The following ILDR1 variants were observed in gnomAD, a reference collection of about 807,000 sequenced individuals.
The protein encoded by ILDR1 is immunoglobulin like domain containing receptor 1, also known as immunoglobulin-like domain-containing receptor 1.
In ILDR1, 56 loss-of-function variants were observed where a neutral mutation model predicts 62.4. The observed-to-expected ratio is 0.90, with a 90% confidence interval of 0.72 to 1.12. The LOEUF (loss-of-function observed/expected upper bound fraction) is 1.12, where lower values mean the gene tolerates loss of function less well. Ranked by LOEUF, ILDR1 falls within the 50% of genes most tolerant of loss-of-function variation. The probability of loss-of-function intolerance (pLI) is 0.00; values close to 1 mark genes in which losing one functional copy is unlikely to be tolerated. For missense variants in ILDR1, 736 were observed against 710.6 expected (o/e 1.04, Z -0.41); for synonymous variants, 284 against 277.8 (o/e 1.02, Z -0.22).
At chr3:122,056,654 A>G in the ILDR1 span, among the ~76,000 whole-genome samples, 1 of 152,250 alleles carries the variant, frequency 6.6e-6, no homozygotes, top group Admixed American at 6.5e-5. Flanking sequence ...ATTTATAATT[A>G]CTGTTCTTTG....
Position 122,007,125 on chromosome 3 carries a change from T to G in ILDR1, c.95A>C (p.Glu32Ala). 6.2e-7 allele frequency: 1 copy of G among 1,614,176 alleles called. No homozygotes were observed. Among genetic ancestry groups the G allele is most frequent in the East Asian group, 2.2e-5 (1 of 44,886 alleles). ...LSLLVTVQHT[E>A]RYVTLFASII... ...AGAGGCAAACAGGGTGACATAGCGT[T>G]CTGTGTGCTGGACCGTCACAAGCAA... The change falls in exon 2 of 8, where the codon GAA becomes GCA. Residue 32 changes from glutamate (E) to alanine (A), a missense_variant. Physicochemically the swap from Glu to Ala is moderately radical, Grantham distance 107. Transcript: ENST00000344209.
chr3:121,995,769 T>C lies in ILDR1; in HGVS notation c.647-1456A>G, dbSNP rs139623729. ...ACACATACTGGAATGCCCAGCCTTA[T>C]ACATGTAATTTACTTTACATAAGCT... On this transcript the variant is annotated intron_variant, in intron 5 of 7. Transcript: ENST00000344209. Among the ~76,000 whole-genome samples, 200 of 152,316 alleles carry C rather than the reference T, an allele frequency of 1.3e-3. 1 individual carries two copies. The highest frequency in any genetic ancestry group is 4.3e-3 in the African/African-American group (180 of 41,562).
At chr3:122,041,437 T>A in the ILDR1 span, among the ~76,000 whole-genome samples, 1 of 152,172 alleles carries the variant, frequency 6.6e-6, no homozygotes, top group Non-Finnish European at 1.5e-5. Flanking sequence ...GCTGACAACT[T>A]GTTATTGGAC....
chr3:122,054,796 G>T, the ILDR1 span, among the ~76,000 whole-genome samples: 2 of 151,982 alleles, frequency 1.3e-5, no homozygotes, highest in Non-Finnish European at 2.9e-5. Flanking sequence ...ATTTTATAAT[G>T]CTGCCTTTTT....
the ILDR1 span, among the ~76,000 whole-genome samples, chr3:122,040,067 T>C: frequency 1.3e-5 from 2 of 152,006 alleles, no homozygotes; most frequent in African/African-American, 2.4e-5. Flanking sequence ...ATTAAGAGTA[T>C]GATACATAAT....
chr3:122,021,951 G>T, intron 1 of ILDR1, 69 bp downstream of exon 1: 3 of 1,481,784 alleles, frequency 2.0e-6, no homozygotes, highest in Middle Eastern at 2.0e-4. Flanking sequence ...GGCCAGCTCT[G>T]CAAGGCCACG....
chr3:122,000,882 G>A (rs777195685), intron 5 of ILDR1, among the ~76,000 whole-genome samples: 2 of 152,216 alleles, frequency 1.3e-5, no homozygotes, highest in Non-Finnish European at 2.9e-5. Context: ...GGTGTCAGAA[G>A]TATCGAGTGG....
chr3:122,001,123 C>T (rs1356496108), intron 5 of ILDR1, among the ~76,000 whole-genome samples, 185 bp downstream of exon 5: 1 of 152,180 alleles, frequency 6.6e-6, no homozygotes, highest in Non-Finnish European at 1.5e-5. Context: ...AATGTCCTTC[C>T]ATGTGGCTAC....
the ILDR1 span, among the ~76,000 whole-genome samples, chr3:122,056,991 C>T: frequency 6.6e-6 from 1 of 152,134 alleles, no homozygotes; most frequent in Non-Finnish European, 1.5e-5. Flanking sequence ...AGCCATTAAA[C>T]AATGTCTGTT....
rs544860151 is a variant in ILDR1, at chr3:121,994,240, C to T, written c.720G>A (p.Trp240Ter). The T allele has an allele frequency of 7.8e-6, 12 of 1,536,120 alleles. No homozygotes were observed. In the East Asian group the frequency reaches 2.9e-4, roughly 38 times the overall value. Residue 240 changes from tryptophan to a stop codon, truncating the protein, a stop_gained, in exon 6 of 8, where the codon TGG (tryptophan) becomes TGA (stop). Coordinates refer to ENST00000344209, the MANE Select transcript of ILDR1 (RefSeq NM_001199799.2). LOFTEE classifies it high-confidence loss of function. ...GPQMMGKPLYWGADRSSQVSS... is the reference protein window; with the variant it reads ...GPQMMGKPLY ...AAACCTGGGAGCTCCTGTCCGCCCC[C>T]CAGTACAGGGGTTTTCCCATCATCT...
intron 1 of ILDR1, among the ~76,000 whole-genome samples, chr3:122,011,032 T>C (rs2071695163): frequency 6.6e-6 from 1 of 152,098 alleles, no homozygotes; most frequent in African/African-American, 2.4e-5. Context: ...TGGCTATTCT[T>C]TAAATAAAAG....
the ILDR1 span, among the ~76,000 whole-genome samples, chr3:122,046,413 C>T: frequency 4.7e-5 from 7 of 149,566 alleles, no homozygotes; most frequent in Admixed American, 6.7e-5. Context: ...TTGTTCTTCT[C>T]GAGGAGTATC....
chr3:122,039,260 C>T, the ILDR1 span, among the ~76,000 whole-genome samples: 154 of 152,160 alleles, frequency 1.0e-3, no homozygotes, highest in Non-Finnish European at 1.8e-3. Context: ...GCCCAGAGAA[C>T]ACCAGGAAGT....
chr3:122,046,833 A>G, the ILDR1 span, among the ~76,000 whole-genome samples: 1 of 137,866 alleles, frequency 7.3e-6, no homozygotes. Flanking sequence ...AATTTTTTTC[A>G]AAGTTTTCAA....
At chr3:121,997,205 C>T (rs1378101614) in intron 5 of ILDR1, among the ~76,000 whole-genome samples, 1 of 152,160 alleles carries the variant, frequency 6.6e-6, no homozygotes, top group Non-Finnish European at 1.5e-5. Flanking sequence ...CCAGCCCTTG[C>T]CCTTCTTTTA....
chr3:122,005,729 C>G (rs1054952010), intron 2 of ILDR1, among the ~76,000 whole-genome samples: 7 of 151,972 alleles, frequency 4.6e-5, no homozygotes, highest in Admixed American at 6.5e-5. Flanking sequence ...TCTCTCTGCT[C>G]CCATGGAATT....
At chr3:122,060,083 A>C in the ILDR1 span, among the ~76,000 whole-genome samples, 4 of 152,182 alleles carry the variant, frequency 2.6e-5, no homozygotes, top group Non-Finnish European at 4.4e-5. Flanking sequence ...AAACTAATAC[A>C]CTTGGTGAGA....
In ILDR1 at chr3:121,988,102, G is replaced by A. The variant is rs1381504068; in HGVS notation, c.*265C>T. 2.2e-5 allele frequency: 12 copies of A among 533,784 alleles called. No individual in the cohort carries two copies. Among genetic ancestry groups the A allele is most frequent in the South Asian group, 8.3e-5 (5 of 60,160 alleles). The allele number at this position is 533,784 out of a possible 1,614,324, so 33.1% of individuals were successfully genotyped here. On this transcript the variant is annotated 3_prime_UTR_variant, in exon 8 of 8. Transcript: ENST00000344209. ...TAATTTTTATATTTTTTGTAGAGAC[G>A]GGGTCTCACTATGTTTCCCAGGCTG...
intron 1 of ILDR1, among the ~76,000 whole-genome samples, chr3:122,014,302 T>G (rs1279128548): frequency 6.6e-6 from 1 of 152,248 alleles, no homozygotes; most frequent in African/African-American, 2.4e-5. Flanking sequence ...GTACTGCTGT[T>G]GACAATTTGG....
Sources: allele counts gnomAD v4.1 joint callset (sites outside exome capture counted in the v4.1 genomes callset), GRCh38; gene constraint gnomAD v4.1.1; transcripts MANE v1.5; gene names NCBI Gene and HGNC (gene_info 2026-07-23, HGNC 2026-07-21).